PRKCA: variants seen among roughly 807,000 people sequenced by gnomAD.
The protein encoded by PRKCA is protein kinase C alpha type.
A neutral mutation model predicts 87.0 loss-of-function variants in PRKCA; 27 were observed. That is an observed-to-expected ratio of 0.31 (90% CI 0.23 to 0.43). The LOEUF (loss-of-function observed/expected upper bound fraction) is 0.43. Ranked by LOEUF, PRKCA falls within the 20% of genes least tolerant of loss-of-function variation. The pLI is 1.00. For missense variants in PRKCA, 518 were observed against 852.3 expected (o/e 0.61, Z 4.88); for synonymous variants, 329 against 311.1 (o/e 1.06, Z -0.61).
intron 5 of PRKCA, among the ~76,000 whole-genome samples, chr17:66,652,693 A>G (rs1002263257): frequency 6.6e-6 from 1 of 152,180 alleles, no homozygotes; most frequent in African/African-American, 2.4e-5. Context: ...ACTCCCAAAA[A>G]CTTGGGCAAT....
rs189212148 is a variant in PRKCA at position 66,456,710 on chromosome 17, G to A, written c.206-39491G>A. On this transcript the variant is annotated intron_variant, in intron 2 of 16. Coordinates refer to ENST00000413366, the MANE Select transcript of PRKCA (RefSeq NM_002737.3). ...TGAAATAGATGGCAGAAAAGACAAA[G>A]GCCAAAAAATCCGCTGCACCTACTG... 1.1e-4 allele frequency among the ~76,000 whole-genome samples: 16 copies of A among 152,310 alleles called. No individual in the cohort carries two copies. The East Asian group carries it at 3.1e-3, about 29-fold the overall frequency.
chr17:66,743,488 G>C (rs1568008428), intron 13 of PRKCA, among the ~76,000 whole-genome samples: 1 of 152,228 alleles, frequency 6.6e-6, no homozygotes, highest in Non-Finnish European at 1.5e-5. Flanking sequence ...TGTCAGTGTG[G>C]TTCTAAGCAA....
intron 3 of PRKCA, among the ~76,000 whole-genome samples, chr17:66,550,587 A>G (rs1380056454): frequency 1.3e-5 from 2 of 151,980 alleles, no homozygotes; most frequent in South Asian, 4.1e-4. Flanking sequence ...AGGCAGAGGT[A>G]GCAGTGAACC....
At chr17:66,415,292 C>G (rs1044611008) in intron 2 of PRKCA, 4 of 152,068 alleles carry the variant, frequency 2.6e-5, no homozygotes, top group African/African-American at 9.7e-5. Context: ...GTTAGAACCT[C>G]CTTTGGACTT....
intron 2 of PRKCA, among the ~76,000 whole-genome samples, chr17:66,366,705 C>T (rs1204973862): frequency 1.3e-5 from 2 of 152,166 alleles, no homozygotes; most frequent in African/African-American, 2.4e-5. Context: ...CTGTGAGTAG[C>T]TGGCTTGCTC....
intron 1 of PRKCA, among the ~76,000 whole-genome samples, chr17:66,305,024 G>A (rs1281019892): frequency 6.6e-6 from 1 of 152,120 alleles, no homozygotes; most frequent in African/African-American, 2.4e-5. Flanking sequence ...ATCAGCCCCT[G>A]GTGAGCTGAA....
At chr17:66,473,073 C>T (rs1265811245) in intron 2 of PRKCA, among the ~76,000 whole-genome samples, 1 of 152,130 alleles carries the variant, frequency 6.6e-6, no homozygotes, top group Non-Finnish European at 1.5e-5. Context: ...AGCCACCTCT[C>T]CTCCTCCACT....
Position 66,789,737 on chromosome 17 carries a change from C to T in PRKCA, c.1854+758C>T, listed in dbSNP as rs572990129. Among the ~76,000 whole-genome samples the T allele has an allele frequency of 6.6e-5, 10 of 152,314 alleles. No homozygotes were observed. In the South Asian group the frequency reaches 1.7e-3, roughly 25 times the overall value. ...CAGCTGATAGATGGTGAAACCAGGA[C>T]GAGTCTTTGTCCTCACCTACTGCAC... On this transcript the variant is annotated intron_variant, in intron 16 of 16. Coordinates refer to ENST00000413366, the MANE Select transcript of PRKCA (RefSeq NM_002737.3).
intron 15 of PRKCA, 104 bp from the exon 16 acceptor site, chr17:66,788,735 C>A: frequency 1.5e-6 from 2 of 1,352,246 alleles, no homozygotes; most frequent in African/African-American, 1.5e-5. Flanking sequence ...GCTGTCCAGG[C>A]GTCCACAAAG....
intron 13 of PRKCA, among the ~76,000 whole-genome samples, chr17:66,748,143 A>G (rs1459176040): frequency 6.6e-6 from 1 of 152,214 alleles, no homozygotes; most frequent in African/African-American, 2.4e-5. Flanking sequence ...GCTGCCTATC[A>G]GCAGATGGGC....
chr17:66,687,120 C>CA lies in PRKCA; in HGVS notation c.545dup (p.Asn182LysfsTer22). 6.2e-7 allele frequency: 1 copy of CA among 1,611,240 alleles called. No homozygotes were observed. Among genetic ancestry groups the CA allele is most frequent in the Non-Finnish European group, 8.5e-7 (1 of 1,177,778 alleles). On this transcript the variant is annotated frameshift_variant, in exon 6 of 17. Coordinates refer to ENST00000413366, the MANE Select transcript of PRKCA (RefSeq NM_002737.3). LOFTEE classifies it high-confidence loss of function. The stretch of plus-strand genomic sequence containing the variant: ...CCTTCTCTCTTCACAGTACGAGATG[C>CA]AAAAAATCTAATCCCTATGGATCCA...
chr17:66,555,516 C>A (rs1474417398), intron 3 of PRKCA, among the ~76,000 whole-genome samples: 2 of 152,174 alleles, frequency 1.3e-5, no homozygotes, highest in Non-Finnish European at 1.5e-5. Context: ...TTGCTGCCTC[C>A]CCACCAGTGT....
intron 3 of PRKCA, among the ~76,000 whole-genome samples, chr17:66,534,071 A>G (rs965538709): frequency 1.1e-5 from 1 of 88,592 alleles, no homozygotes; most frequent in East Asian, 3.9e-4. Context: ...TGCCCCCCGC[A>G]CCCCCCCCAA....
intron 2 of PRKCA, among the ~76,000 whole-genome samples, chr17:66,433,896 G>A (rs1419238265): frequency 6.6e-6 from 1 of 152,154 alleles, no homozygotes; most frequent in African/African-American, 2.4e-5. Context: ...AGTGAGGCCT[G>A]GGCACCTGGT....
chr17:66,319,988 C>T (rs1476789159), intron 2 of PRKCA, among the ~76,000 whole-genome samples: 2 of 152,114 alleles, frequency 1.3e-5, no homozygotes, highest in Admixed American at 6.6e-5. Flanking sequence ...AAGTGATCTG[C>T]CACACTTCAG....
intron 5 of PRKCA, among the ~76,000 whole-genome samples, chr17:66,675,982 C>A (rs1385759828): frequency 6.6e-6 from 1 of 152,132 alleles, no homozygotes; most frequent in East Asian, 1.9e-4. Flanking sequence ...AGCTTGACCG[C>A]CCCCGGAACA....
intron 3 of PRKCA, among the ~76,000 whole-genome samples, chr17:66,576,239 C>T (rs1458866502): frequency 6.6e-6 from 1 of 152,178 alleles, no homozygotes; most frequent in Non-Finnish European, 1.5e-5. Context: ...GTAAGGATAC[C>T]AAATTTCATG....
At chr17:66,606,890 C>T (rs1481180892) in intron 3 of PRKCA, among the ~76,000 whole-genome samples, 1 of 151,800 alleles carries the variant, frequency 6.6e-6, no homozygotes, top group Non-Finnish European at 1.5e-5. Context: ...AATAAAAATT[C>T]AGTTACTAAG....
At chr17:66,358,297 G>A (rs878885052) in intron 2 of PRKCA, among the ~76,000 whole-genome samples, 8 of 152,220 alleles carry the variant, frequency 5.3e-5, no homozygotes, top group South Asian at 2.1e-4. Flanking sequence ...GAACTCTTCC[G>A]TTGTAATTGA....
Sources: gnomAD v4.1 joint callset for allele counts (sites outside exome capture counted in the v4.1 genomes callset) on GRCh38, gnomAD v4.1.1 for gene constraint, MANE v1.5 for transcripts, NCBI Gene and HGNC (gene_info 2026-07-23, HGNC 2026-07-21) for gene names.